Variants in CACNA1C observed in about 807,000 individuals in gnomAD.
CACNA1C encodes calcium voltage-gated channel subunit alpha1 C, also known as voltage-dependent L-type calcium channel subunit alpha-1C.
In CACNA1C, 30 loss-of-function variants were observed where a neutral mutation model predicts 229.0. The ratio of observed to expected loss-of-function variants is 0.13; its 90% CI spans 0.10 to 0.18. CACNA1C has a LOEUF of 0.18. Among genes scored for constraint, CACNA1C ranks in the 10% least tolerant of loss-of-function variants. CACNA1C has a pLI of 1.00. For missense variants in CACNA1C, 1,658 were observed against 2,845.0 expected (o/e 0.58, Z 9.49); for synonymous variants, 1,114 against 1,132.5 (o/e 0.98, Z 0.33).
In CACNA1C at chr12:2,678,915, G is replaced by A. The variant is rs1032307964; in HGVS notation, c.5092-529G>A. On this transcript the variant is annotated intron_variant, in intron 41 of 46. Transcript: ENST00000399655. The surrounding 1 kb of genome is among the most constrained non-coding windows in gnomAD (Gnocchi z 4.1). Reference sequence around the variant, plus strand: ...TTTTAAATCTCTCTGAGTCCCCGAGGGGAAAAAGACCATCATGCAGGAAAT... The same window carrying A: ...TTTTAAATCTCTCTGAGTCCCCGAGAGGAAAAAGACCATCATGCAGGAAAT... Among the ~76,000 whole-genome samples, 13 of 152,220 alleles carry A rather than the reference G, an allele frequency of 8.5e-5. No individual in the cohort carries two copies. Among genetic ancestry groups the A allele is most frequent in the African/African-American group, 3.1e-4 (13 of 41,452 alleles).
At chr12:2,061,305 A>G (rs2057403412) in intron 1 of CACNA1C, among the ~76,000 whole-genome samples, 1 of 152,230 alleles carries the variant, frequency 6.6e-6, no homozygotes, top group Admixed American at 6.5e-5. Context: ...AACGCCATGA[A>G]GTAACATTCA....
chr12:2,510,234 C>T (rs1363107770), intron 8 of CACNA1C, among the ~76,000 whole-genome samples: 1 of 152,186 alleles, frequency 6.6e-6, no homozygotes, highest in South Asian at 2.1e-4. Context: ...AGCTCAGTCC[C>T]CAGAGCAGGA....
chr12:2,542,981 A>G (rs759185233), intron 9 of CACNA1C, among the ~76,000 whole-genome samples: 4 of 152,206 alleles, frequency 2.6e-5, no homozygotes, highest in Admixed American at 6.5e-5. Context: ...AAGTTCCAGA[A>G]TACAGACTGG....
intron 5 of CACNA1C, among the ~76,000 whole-genome samples, chr12:2,481,964 T>A (rs552389208): frequency 1.3e-5 from 2 of 152,394 alleles, no homozygotes; most frequent in South Asian, 4.1e-4. Flanking sequence ...ATGGCCTATC[T>A]GAGAACACTT....
intron 3 of CACNA1C, among the ~76,000 whole-genome samples, chr12:2,312,417 C>T (rs1045485321): frequency 6.6e-6 from 1 of 152,174 alleles, no homozygotes; most frequent in South Asian, 2.1e-4. Flanking sequence ...AGCAAGGCAA[C>T]ACCCACAACA....
chr12:2,607,210 T>C, intron 26 of CACNA1C, 80 bp downstream of exon 26: 4 of 1,449,190 alleles, frequency 2.8e-6, no homozygotes, highest in Non-Finnish European at 3.8e-6. Context: ...CCAAGTTTTG[T>C]TAATGTCCCG....
At chr12:2,009,695 A>ACT (rs1719123877) in intron 1 of CACNA1C, among the ~76,000 whole-genome samples, 1 of 151,906 alleles carries the variant, frequency 6.6e-6, no homozygotes, top group Non-Finnish European at 1.5e-5. Flanking sequence ...TGAACAATTA[A>ACT]CTCTCTCTCC....
intron 3 of CACNA1C, among the ~76,000 whole-genome samples, chr12:2,166,671 G>A (rs904066777): frequency 6.6e-6 from 1 of 152,186 alleles, no homozygotes; most frequent in Admixed American, 6.5e-5. Flanking sequence ...GGACTAAATG[G>A]GTTAGTATTT....
At position 2,654,014 on chromosome 12, in the gene CACNA1C, TC is replaced by T. The variant is rs1428619836; in HGVS notation, c.4140+117del. The T allele has an allele frequency of 1.3e-6, 1 of 798,618 alleles. No homozygotes were observed. Among genetic ancestry groups the T allele is most frequent in the Admixed American group, 2.3e-5 (1 of 43,640 alleles). The allele number at this position is 798,618 out of a possible 1,614,324, so 49.5% of individuals were successfully genotyped here. On this transcript the variant is annotated intron_variant, in intron 33 of 46. Transcript: ENST00000399655. This position sits in a 1 kb window ranked among gnomAD's most constrained non-coding sequence, Gnocchi z 4.4. ...CCCTTCTCCCTTTCATTCCTGACTG[TC>T]CCTCTCCCTCCTCTTCCATTTTCTG...
chr12:2,444,410 A>G (rs1076343), intron 3 of CACNA1C, among the ~76,000 whole-genome samples: 28,242 of 151,910 alleles, frequency 0.19, 2,763 homozygotes, highest in Non-Finnish European at 0.21. Context: ...ATGTGAAGGG[A>G]CTTTCTTGGG....
At chr12:2,414,631 C>G (rs998781664) in intron 3 of CACNA1C, among the ~76,000 whole-genome samples, 1 of 152,126 alleles carries the variant, frequency 6.6e-6, no homozygotes, top group South Asian at 2.1e-4. Flanking sequence ...TTCTGTGTTC[C>G]GGGTGTCAGC....
At chr12:2,203,655 G>A (rs75849460) in intron 3 of CACNA1C, among the ~76,000 whole-genome samples, 51,582 of 151,770 alleles carry the variant, frequency 0.34, 9,205 homozygotes, top group South Asian at 0.39. Context: ...GGGAAAGAGA[G>A]CACCAGGGGA....
intron 18 of CACNA1C, among the ~76,000 whole-genome samples, chr12:2,589,969 T>C (rs1462680501): frequency 6.6e-6 from 1 of 152,144 alleles, no homozygotes; most frequent in East Asian, 1.9e-4. Flanking sequence ...ATGCAGAAAC[T>C]GTATCCACCA....
At chr12:2,383,941 C>A (rs2098316353) in intron 3 of CACNA1C, among the ~76,000 whole-genome samples, 1 of 152,252 alleles carries the variant, frequency 6.6e-6, no homozygotes. Flanking sequence ...GCTTCCCTTT[C>A]TGCCAAAGGT....
intron 3 of CACNA1C, among the ~76,000 whole-genome samples, chr12:2,130,138 T>C (rs2091788597): frequency 6.6e-6 from 1 of 151,248 alleles, no homozygotes; most frequent in Non-Finnish European, 1.5e-5. Context: ...CTGGCATTGC[T>C]CTATGGTCCG....
At chr12:2,645,874 AAAACTT>A (rs1193239565) in intron 30 of CACNA1C, among the ~76,000 whole-genome samples, 2 of 152,176 alleles carry the variant, frequency 1.3e-5, no homozygotes, top group Non-Finnish European at 2.9e-5. Context: ...AGGCTCAAGA[AAAACTT>A]AATCTTTGAG....
chr12:2,463,241 T>C (rs561318125), intron 5 of CACNA1C, among the ~76,000 whole-genome samples: 4 of 152,348 alleles, frequency 2.6e-5, no homozygotes, highest in East Asian at 3.9e-4. Flanking sequence ...CACATATATG[T>C]ACTAAATGTC....
intron 3 of CACNA1C, among the ~76,000 whole-genome samples, chr12:2,216,516 A>G (rs898994023): frequency 1.6e-4 from 24 of 152,224 alleles, no homozygotes; most frequent in Non-Finnish European, 4.4e-5. Context: ...CTGGGTTTTG[A>G]TGGGAGGAAA....
chr12:2,654,368 G>A lies in CACNA1C; in HGVS notation c.4140+468G>A, dbSNP rs1181323605. On this transcript the variant is annotated intron_variant, in intron 33 of 46. Coordinates refer to ENST00000399655, the MANE Select transcript of CACNA1C (RefSeq NM_000719.7). This position sits in a 1 kb window ranked among gnomAD's most constrained non-coding sequence, Gnocchi z 4.4. ...GGGAGGGAAGAAGGAAGCAAGGAAG[G>A]GCCAAATCAACACAAGGTTCACCGC... Among the ~76,000 whole-genome samples the A allele has an allele frequency of 6.6e-6, 1 of 152,080 alleles. No individual in the cohort carries two copies. The highest frequency in any genetic ancestry group is 2.4e-5 in the African/African-American group (1 of 41,384).
Sources: gnomAD v4.1 joint callset for allele counts (sites outside exome capture counted in the v4.1 genomes callset) on GRCh38, gnomAD v4.1.1 for gene constraint, Gnocchi (gnomAD v3.1) non-coding constraint, MANE v1.5 for transcripts, NCBI Gene and HGNC (gene_info 2026-07-23, HGNC 2026-07-21) for gene names.